Variants in TENM3 observed in about 807,000 individuals in gnomAD.
TENM3 encodes teneurin-3.
Under a neutral mutation model 255.1 loss-of-function variants are expected in TENM3, and 63 were observed. That is an observed-to-expected ratio of 0.25 (90% confidence interval 0.20 to 0.30). The LOEUF is 0.30. Among genes scored for constraint, TENM3 ranks in the 10% least tolerant of loss-of-function variants. The probability of loss-of-function intolerance (pLI) is 1.00; values close to 1 mark genes in which losing one functional copy is unlikely to be tolerated. For synonymous variants in TENM3, 1,306 were observed against 1,322.3 expected, an observed-to-expected ratio of 0.99 and a Z score of 0.27; for missense variants, 2,929 against 3,461.1, an observed-to-expected ratio of 0.85 and a Z score of 3.86.
the TENM3 span, among the ~76,000 whole-genome samples, chr4:181,637,041 C>T: frequency 0.01 from 1,577 of 152,276 alleles, 29 homozygotes; most frequent in African/African-American, 0.036. Flanking sequence ...AAAAGGCTTT[C>T]CCGCTAGATA....
the TENM3 span, among the ~76,000 whole-genome samples, chr4:181,618,024 C>T: frequency 6.6e-6 from 1 of 152,174 alleles, no homozygotes; most frequent in African/African-American, 2.4e-5. Flanking sequence ...ACCCTACCTA[C>T]ATATACATAG....
At chr4:182,654,446 T>A (rs1753584544) in intron 6 of TENM3, among the ~76,000 whole-genome samples, 1 of 152,176 alleles carries the variant, frequency 6.6e-6, no homozygotes, top group South Asian at 2.1e-4. Context: ...AGAATTCCAT[T>A]TTTTCAATAT....
At chr4:181,679,513 C>A in the TENM3 span, among the ~76,000 whole-genome samples, 378 of 152,108 alleles carry the variant, frequency 2.5e-3, 1 homozygote, top group African/African-American at 8.5e-3. Context: ...TATAAACAAG[C>A]AAAATATATG....
intron 2 of TENM3, among the ~76,000 whole-genome samples, chr4:182,326,655 C>T (rs981725840): frequency 6.6e-6 from 1 of 152,120 alleles, no homozygotes; most frequent in Admixed American, 6.5e-5. Context: ...CTGCCTCAGC[C>T]TCCTGAGTAG....
At chr4:181,467,084 CGTGTGTGTGTGTGTGT>C in the TENM3 span, among the ~76,000 whole-genome samples, 1 of 59,012 alleles carries the variant, frequency 1.7e-5, no homozygotes, top group African/African-American at 9.9e-5. Context: ...TGTGTGTGTG[CGTGTGTGTGTGTGTGT>C]GTGTATATAT....
the TENM3 span, among the ~76,000 whole-genome samples, chr4:181,921,431 C>T: frequency 1.2e-4 from 18 of 152,138 alleles, no homozygotes; most frequent in Non-Finnish European, 7.3e-5. Flanking sequence ...TTGTAGTTCT[C>T]CTTGAAGAGC....
intron 2 of TENM3, among the ~76,000 whole-genome samples, chr4:182,330,836 TAA>T (rs1763702308): frequency 6.6e-6 from 1 of 152,146 alleles, no homozygotes; most frequent in Non-Finnish European, 1.5e-5. Context: ...AGAGAAACCT[TAA>T]CAGAAGGCTG....
chr4:182,387,546 A>G (rs1481357046), intron 3 of TENM3, among the ~76,000 whole-genome samples: 3 of 152,068 alleles, frequency 2.0e-5, no homozygotes, highest in South Asian at 2.1e-4. Context: ...CCCCTTCCAC[A>G]CTAAATTTTG....
the TENM3 span, among the ~76,000 whole-genome samples, chr4:182,137,961 T>A: frequency 1.3e-5 from 2 of 152,200 alleles, no homozygotes; most frequent in South Asian, 2.1e-4. Flanking sequence ...GTAAATAAAT[T>A]ATTTTGTGTA....
rs1276313286 is a variant in TENM3, at chr4:182,196,761, C to G, written c.-76+52007C>G. Among the ~76,000 whole-genome samples, 4 of 152,274 alleles carry G rather than the reference C, an allele frequency of 2.6e-5. 1 individual carries two copies. The East Asian group carries it at 7.7e-4, about 29-fold the overall frequency. ...TTCTTTTTCTTCTTTGTAACATTTT[C>G]TACACATTTGAAAGGAACATACCCT... On this transcript the variant is annotated intron_variant, in intron 1 of 2. Coordinates refer to the TENM3 transcript ENST00000512480.
chr4:181,872,156 T>G, the TENM3 span, among the ~76,000 whole-genome samples: 2 of 151,918 alleles, frequency 1.3e-5, no homozygotes, highest in African/African-American at 4.8e-5. Flanking sequence ...CATAAAATTT[T>G]TATAGAAATT....
rs79228205 is a variant in TENM3 at position 182,157,862 on chromosome 4, G to A, written c.-76+13108G>A. ...CGAACAGGTAACAGCAACACCAGCAGGTAGCACAGATCAATGAATTTGGCC... is the reference window on the plus strand; with the variant it reads ...CGAACAGGTAACAGCAACACCAGCAAGTAGCACAGATCAATGAATTTGGCC... On this transcript the variant is annotated intron_variant, in intron 1 of 2. Transcript: ENST00000512480. 6.6e-3 allele frequency among the ~76,000 whole-genome samples: 1,000 copies of A among 152,234 alleles called. 5 individuals carry two copies. Among genetic ancestry groups the A allele is most frequent in the African/African-American group, 0.022 (921 of 41,528 alleles).
chr4:182,171,793 T>C (rs1183406626), intron 1 of TENM3, among the ~76,000 whole-genome samples: 2 of 152,212 alleles, frequency 1.3e-5, no homozygotes, highest in Non-Finnish European at 2.9e-5. Context: ...AGTGGCTAAG[T>C]TGATATCACA....
At chr4:181,611,895 T>C in the TENM3 span, among the ~76,000 whole-genome samples, 1 of 152,252 alleles carries the variant, frequency 6.6e-6, no homozygotes, top group Admixed American at 6.5e-5. Context: ...CTGTGTAAAA[T>C]CACTTTGGAA....
intron 2 of TENM3, among the ~76,000 whole-genome samples, chr4:182,337,861 T>C (rs1764240537): frequency 6.6e-6 from 1 of 152,230 alleles, no homozygotes; most frequent in South Asian, 2.1e-4. Context: ...AAATATCCAC[T>C]GAGCAAAAGG....
At chr4:182,017,595 CAT>C in the TENM3 span, among the ~76,000 whole-genome samples, 5 of 152,300 alleles carry the variant, frequency 3.3e-5, no homozygotes, top group Admixed American at 6.5e-5. Flanking sequence ...CACACACACA[CAT>C]GCCCTCCTTA....
the TENM3 span, among the ~76,000 whole-genome samples, chr4:181,965,229 A>G: frequency 2.6e-5 from 4 of 152,206 alleles, no homozygotes; most frequent in African/African-American, 4.8e-5. Context: ...AATAATAACA[A>G]GAAGTCATAT....
intron 1 of TENM3, among the ~76,000 whole-genome samples, chr4:182,301,415 A>C (rs1475126332): frequency 6.6e-6 from 1 of 152,168 alleles, no homozygotes; most frequent in Non-Finnish European, 1.5e-5. Context: ...TCCTCCCCCC[A>C]TTCAGCACAA....
chr4:182,466,677 C>G (rs1191959397), intron 3 of TENM3, among the ~76,000 whole-genome samples: 3 of 152,022 alleles, frequency 2.0e-5, no homozygotes, highest in Non-Finnish European at 4.4e-5. Flanking sequence ...GGATTTAGAG[C>G]TGCTCTAATC....
Sources: allele counts gnomAD v4.1 joint callset (sites outside exome capture counted in the v4.1 genomes callset), GRCh38; gene constraint gnomAD v4.1.1; transcripts MANE v1.5; gene names NCBI Gene and HGNC (gene_info 2026-07-23, HGNC 2026-07-21).